Variants in CEP41 observed in about 807,000 individuals in gnomAD.
CEP41 encodes the protein centrosomal protein of 41 kDa.
Under a neutral mutation model 44.3 loss-of-function variants are expected in CEP41, and 32 were observed. That is an observed-to-expected ratio of 0.72 (90% CI 0.54 to 0.97). CEP41 has a LOEUF of 0.97. CEP41 is among the 50% of genes least tolerant of loss of function. The pLI is 0.00. For synonymous variants in CEP41, 151 were observed against 168.5 expected, an observed-to-expected ratio of 0.90 and a Z score of 0.80; for missense variants, 432 against 455.2, an observed-to-expected ratio of 0.95 and a Z score of 0.46.
At chr7:130,437,764 CAAAA>C (rs1171735164) in intron 1 of CEP41, among the ~76,000 whole-genome samples, 3 of 32,424 alleles carry the variant, frequency 9.3e-5, no homozygotes, top group Non-Finnish European at 1.8e-4. Context: ...AAGACTGTCT[CAAAA>C]AAAAAAAAAA....
chr7:130,440,815 ACG>A, intron 1 of CEP41, 117 bp downstream of exon 1: 1 of 657,238 alleles, frequency 1.5e-6, no homozygotes. Context: ...ACCCCTCCTC[ACG>A]CCGGCCCCTT....
At chr7:130,425,369 T>C (rs1401447101) in intron 2 of CEP41, among the ~76,000 whole-genome samples, 1 of 152,118 alleles carries the variant, frequency 6.6e-6, no homozygotes, top group African/African-American at 2.4e-5. Flanking sequence ...GCCAAGATCA[T>C]GCCACTGCAC....
intron 5 of CEP41, among the ~76,000 whole-genome samples, chr7:130,407,409 TATATGTATATAC>T (rs1797048917): frequency 1.3e-5 from 2 of 151,998 alleles, no homozygotes; most frequent in Admixed American, 1.3e-4. Context: ...AATAGGAAAA[TATATGTATATAC>T]ATACATAATT....
rs782235279 is a variant in CEP41 at position 130,404,633 on chromosome 7, T to C, written c.353A>G (p.Gln118Arg). 3 of 1,613,678 alleles carry C rather than the reference T, an allele frequency of 1.9e-6. No homozygotes were observed. Among genetic ancestry groups the C allele is most frequent in the East Asian group, 2.2e-5 (1 of 44,882 alleles). Residue 118 changes from glutamine to arginine, a missense_variant, in exon 6 of 11, where the codon CAG (glutamine) becomes CGG (arginine). Coordinates refer to ENST00000223208, the MANE Select transcript of CEP41 (RefSeq NM_018718.3). ...RTNGKGNPGE[Q>R]SPSPEQFINN... The stretch of plus-strand genomic sequence containing the variant: ...TATGAACTGCTCAGGGCTCGGCGAC[T>C]GCTCACCTGGATTTCCTTTCCCATT...
intron 1 of CEP41, among the ~76,000 whole-genome samples, chr7:130,439,273 G>A (rs1158159548): frequency 6.6e-6 from 1 of 152,068 alleles, no homozygotes; most frequent in Non-Finnish European, 1.5e-5. Flanking sequence ...TAATACATAT[G>A]AGATACAAAA....
intron 10 of CEP41, 103 bp downstream of exon 10, chr7:130,399,936 A>G (rs1796791766): frequency 2.2e-6 from 2 of 894,578 alleles, no homozygotes; most frequent in South Asian, 2.6e-5. Context: ...ATACCTCCCT[A>G]GTATTTTAAG....
Position 130,397,469 on chromosome 7 carries a change from T to C in CEP41, c.*1422A>G, listed in dbSNP as rs183807736. Reference sequence around the variant, plus strand: ...AGATATTTATTACGTTTATTTCTCATACAAACACAGCCCCCATGCTAGAAA... The same window carrying C: ...AGATATTTATTACGTTTATTTCTCACACAAACACAGCCCCCATGCTAGAAA... On this transcript the variant is annotated 3_prime_UTR_variant, in exon 11 of 11. Coordinates refer to ENST00000223208, the MANE Select transcript of CEP41 (RefSeq NM_018718.3). 25 of 430,646 alleles carry C rather than the reference T, an allele frequency of 5.8e-5. No homozygotes were observed. Among genetic ancestry groups the C allele is most frequent in the Non-Finnish European group, 1.4e-5 (3 of 220,146 alleles). 26.7% of individuals were successfully genotyped at this position (430,646 alleles called of 1,614,324 possible). A position where few individuals can be genotyped will look rare whatever the true frequency, so the allele number is the denominator to read the frequency against.
chr7:130,420,035 A>G (rs1797455412), intron 2 of CEP41: 1 of 985,312 alleles, frequency 1.0e-6, no homozygotes, highest in Non-Finnish European at 1.2e-6. Flanking sequence ...TACTTGCTGA[A>G]TGATGGTCAG....
intron 1 of CEP41, among the ~76,000 whole-genome samples, chr7:130,440,348 C>G (rs1467780372): frequency 6.6e-6 from 1 of 152,142 alleles, no homozygotes; most frequent in Non-Finnish European, 1.5e-5. Context: ...AGGGCAGAGG[C>G]CTTGTCTTCT....
At chr7:130,440,821 G>GCAA in intron 1 of CEP41, 113 bp downstream of exon 1, 2 of 893,368 alleles carry the variant, frequency 2.2e-6, no homozygotes, top group East Asian at 3.7e-5. Context: ...CCTCACGCCG[G>GCAA]CCCCTTCCCG....
chr7:130,436,109 G>C (rs1038900171), intron 1 of CEP41, among the ~76,000 whole-genome samples: 1 of 152,162 alleles, frequency 6.6e-6, no homozygotes, highest in Non-Finnish European at 1.5e-5. Context: ...AGCTGAGATG[G>C]TGCCGCTGCA....
chr7:130,417,212 T>C (rs988355811), intron 2 of CEP41: 98 of 1,316,580 alleles, frequency 7.4e-5, no homozygotes, highest in Middle Eastern at 3.0e-4. Context: ...CCCCAAAACA[T>C]TGACAAGTTC....
intron 1 of CEP41, among the ~76,000 whole-genome samples, chr7:130,439,927 AG>A: frequency 6.6e-6 from 1 of 152,304 alleles, no homozygotes; most frequent in South Asian, 2.1e-4. Flanking sequence ...CCCTCAGTTG[AG>A]TACTACCTAT....
Position 130,400,064 on chromosome 7 carries a change from C to G in CEP41, c.948G>C (p.Glu316Asp). Residue 316 changes from glutamate to aspartate, a missense_variant, in exon 10 of 11, where the codon GAG becomes GAC. Glu to Asp is a conservative substitution (Grantham distance 45). Coordinates refer to ENST00000223208, the MANE Select transcript of CEP41 (RefSeq NM_018718.3). ...DLKKIEYYLEEEQGPADHPSR... is the reference protein window; with the variant it reads ...DLKKIEYYLEDEQGPADHPSR... ...TAGGATGATCTGCAGGCCCTTGCTC[C>G]TCTTCCAGATAATATTCTATCTTTT... 1 of 1,611,208 alleles carries G rather than the reference C, an allele frequency of 6.2e-7. No homozygotes were observed. Among genetic ancestry groups the G allele is most frequent in the Non-Finnish European group, 8.5e-7 (1 of 1,178,448 alleles).
chr7:130,416,935 G>C lies in CEP41; in HGVS notation c.129C>G (p.Leu43=). The C allele has an allele frequency of 6.3e-7, 1 of 1,590,120 alleles. No homozygotes were observed. The highest frequency in any genetic ancestry group is 1.3e-5 in the African/African-American group (1 of 74,498). The change falls in exon 3 of 11, where the codon CTC becomes CTG. Residue 43 remains leucine, a synonymous_variant. Transcript: ENST00000223208. ...GTTACTTACTTTTCTTAATCTCTTC[G>C]AGCTTCTCAGTATATTTAGTCATAC... ...GNSMTKYTEK[L]EEIKKNYRYK...
intron 2 of CEP41, chr7:130,421,296 C>T (rs542556009): frequency 4.9e-5 from 48 of 985,390 alleles, no homozygotes; most frequent in Middle Eastern, 5.2e-4. Context: ...TTATAAGGCA[C>T]GAACTCAGTT....
chr7:130,405,627 T>G (rs558051362), intron 5 of CEP41, among the ~76,000 whole-genome samples: 38 of 152,338 alleles, frequency 2.5e-4, no homozygotes, highest in African/African-American at 8.7e-4. Flanking sequence ...TGGGAAGATC[T>G]TCATAACTCA....
chr7:130,415,665 A>C (rs1207241308), intron 3 of CEP41, among the ~76,000 whole-genome samples: 1 of 152,196 alleles, frequency 6.6e-6, no homozygotes, highest in East Asian at 1.9e-4. Flanking sequence ...ACAAATTTCT[A>C]GTGAGGACAT....
Position 130,402,784 on chromosome 7 carries a change from AACACCACTGATG to A in CEP41, c.426_437del (p.Ile143_Val146del), listed in dbSNP as rs1371533349. 2 of 1,614,042 alleles carry A rather than the reference AACACCACTGATG, an allele frequency of 1.2e-6. No individual in the cohort carries two copies. The highest frequency in any genetic ancestry group is 2.7e-5 in the African/African-American group (2 of 74,928). ...GCCCTTTGTCTAGATCCAGTTCCCC[AACACCACTGATG>A]ACACTGCAAGTGAAAAAGTAGGTCA... is the stretch of plus-strand genomic sequence containing the variant. On this transcript the variant is annotated inframe_deletion, in exon 7 of 11. Transcript: ENST00000223208.
Sources: allele counts gnomAD v4.1 joint callset (sites outside exome capture counted in the v4.1 genomes callset), GRCh38; gene constraint gnomAD v4.1.1; transcripts MANE v1.5; gene names NCBI Gene and HGNC (gene_info 2026-07-23, HGNC 2026-07-21).